IGF1R: variants seen among roughly 807,000 people sequenced by gnomAD.
IGF1R encodes the protein insulin-like growth factor 1 receptor.
Under a neutral mutation model 144.6 loss-of-function variants are expected in IGF1R, and 44 were observed. The ratio of observed to expected loss-of-function variants is 0.30; its 90% CI spans 0.24 to 0.39. The LOEUF (loss-of-function observed/expected upper bound fraction) is 0.39. IGF1R is among the 10% of genes least tolerant of loss of function. The pLI, the probability that IGF1R is intolerant of heterozygous loss-of-function variation, is 1.00. For missense variants in IGF1R, 1,355 were observed against 1,833.7 expected (o/e 0.74, Z 4.77); for synonymous variants, 795 against 722.8 (o/e 1.10, Z -1.60).
At chr15:98,956,002 T>G (rs1050372928) in intron 20 of IGF1R, among the ~76,000 whole-genome samples, 25 of 152,230 alleles carry the variant, frequency 1.6e-4, no homozygotes, top group African/African-American at 4.8e-4. Context: ...TGGCGGTCAC[T>G]CCTCAGAACT....
intron 2 of IGF1R, among the ~76,000 whole-genome samples, chr15:98,826,798 G>T (rs2141490684): frequency 6.6e-6 from 1 of 152,358 alleles, no homozygotes; most frequent in East Asian, 1.9e-4. Context: ...GATAAAGACA[G>T]AGGGAAGTGC....
Position 98,810,951 on chromosome 15 carries a change from TCA to T in IGF1R, c.641-80371_641-80370del, listed in dbSNP as rs531346906. Among the ~76,000 whole-genome samples, 491 of 152,282 alleles carry T rather than the reference TCA, an allele frequency of 3.2e-3. 3 individuals are homozygous for T. The highest frequency in any genetic ancestry group is 0.011 in the African/African-American group (468 of 41,566). Reference sequence around the variant, plus strand: ...TTGTTGCACATAAAGTTTCATTGAGTCACAGTCATACTCATTTGCTTTCATAT... The same window carrying T: ...TTGTTGCACATAAAGTTTCATTGAGTCAGTCATACTCATTTGCTTTCATAT... On this transcript the variant is annotated intron_variant, in intron 2 of 20. Transcript: ENST00000650285.
At chr15:98,918,005 ATTTTG>A (rs573522482) in intron 10 of IGF1R, among the ~76,000 whole-genome samples, 8 of 152,134 alleles carry the variant, frequency 5.3e-5, no homozygotes, top group Non-Finnish European at 8.8e-5. Context: ...TCTTACATAT[ATTTTG>A]TTTTGTTTTA....
At chr15:98,677,557 T>C (rs1302305050) in intron 1 of IGF1R, among the ~76,000 whole-genome samples, 2 of 152,172 alleles carry the variant, frequency 1.3e-5, no homozygotes, top group Non-Finnish European at 2.9e-5. Flanking sequence ...GTTCAGGCAG[T>C]CTGGAGGGAA....
intron 2 of IGF1R, among the ~76,000 whole-genome samples, chr15:98,780,195 T>C (rs944864447): frequency 6.6e-6 from 1 of 151,918 alleles, no homozygotes; most frequent in African/African-American, 2.4e-5. Context: ...GAAAACTTAT[T>C]CCTGTGTCAG....
chr15:98,805,300 C>A (rs137905166), intron 2 of IGF1R, among the ~76,000 whole-genome samples: 101 of 152,230 alleles, frequency 6.6e-4, no homozygotes, highest in Non-Finnish European at 1.2e-3. Context: ...CCATCCCACA[C>A]GCTGATTTTT....
chr15:98,926,255 G>C (rs1461221843), intron 13 of IGF1R, among the ~76,000 whole-genome samples: 3 of 152,140 alleles, frequency 2.0e-5, no homozygotes, highest in Admixed American at 6.6e-5. Context: ...CTGATAATGC[G>C]GAATCTAAGA....
chr15:98,781,096 T>A (rs1034044126), intron 2 of IGF1R, among the ~76,000 whole-genome samples: 11 of 152,200 alleles, frequency 7.2e-5, no homozygotes, highest in African/African-American at 2.4e-4. Context: ...TACTCCAGCC[T>A]GGATGACAGA....
chr15:98,789,474 T>A (rs1319941139), intron 2 of IGF1R, among the ~76,000 whole-genome samples: 1 of 152,230 alleles, frequency 6.6e-6, no homozygotes, highest in East Asian at 1.9e-4. Context: ...TTTTGCCCTT[T>A]CTTTGCTCAC....
intron 1 of IGF1R, among the ~76,000 whole-genome samples, chr15:98,659,646 C>T (rs8028620): frequency 0.58 from 88,738 of 151,960 alleles, 27,209 homozygotes; most frequent in African/African-American, 0.78. Flanking sequence ...CAGACAGGCG[C>T]ACTGCAACTC....
At chr15:98,952,763 T>C (rs182968145) in intron 20 of IGF1R, 1 of 152,344 alleles carries the variant, frequency 6.6e-6, no homozygotes, top group East Asian at 1.9e-4. Flanking sequence ...GTTCTCAGCA[T>C]AGAGTGACAA....
chr15:98,742,461 G>C (rs568005701), intron 2 of IGF1R, among the ~76,000 whole-genome samples: 2 of 152,246 alleles, frequency 1.3e-5, no homozygotes, highest in East Asian at 3.9e-4. Flanking sequence ...GCTGCTCCTG[G>C]AGCATCTTTA....
chr15:98,685,558 G>A (rs1319284814), intron 1 of IGF1R, among the ~76,000 whole-genome samples: 9 of 152,128 alleles, frequency 5.9e-5, no homozygotes, highest in Non-Finnish European at 1.3e-4. Context: ...GTGTCCCTTC[G>A]GTATCTTCCC....
chr15:98,765,463 C>T (rs966679148), intron 2 of IGF1R, among the ~76,000 whole-genome samples: 1 of 151,794 alleles, frequency 6.6e-6, no homozygotes, highest in Admixed American at 6.6e-5. Context: ...TGTGAGCCAC[C>T]ACACCTGGCT....
chr15:98,806,409 C>A (rs542120125), intron 2 of IGF1R, among the ~76,000 whole-genome samples: 13 of 152,240 alleles, frequency 8.5e-5, no homozygotes, highest in Non-Finnish European at 1.5e-4. Context: ...CCCCCAGCCT[C>A]CCTTGTCATG....
At chr15:98,926,103 C>G (rs996681165) in intron 13 of IGF1R, among the ~76,000 whole-genome samples, 3 of 152,120 alleles carry the variant, frequency 2.0e-5, no homozygotes, top group Non-Finnish European at 4.4e-5. Context: ...TAAAGAAAAC[C>G]TGGTACATAT....
Position 98,957,491 on chromosome 15 carries a change from C to CGGGGT in IGF1R, c.*54_*58dup, listed in dbSNP as rs753277045. 1.2e-6 allele frequency: 2 copies of CGGGGT among 1,607,656 alleles called. No homozygotes were observed. Among genetic ancestry groups the CGGGGT allele is most frequent in the Non-Finnish European group, 1.7e-6 (2 of 1,177,128 alleles). On this transcript the variant is annotated 3_prime_UTR_variant, in exon 21 of 21. Transcript: ENST00000650285. Reference sequence around the variant, plus strand: ...AACAGTAACGTGTGCGCACGCGCAGCGGGGTGGGGGGGGAGAGAGAGTTTT... The same window carrying CGGGGT: ...AACAGTAACGTGTGCGCACGCGCAGCGGGGTGGGGTGGGGGGGGAGAGAGAGTTTT...
intron 3 of IGF1R, among the ~76,000 whole-genome samples, chr15:98,896,255 G>A (rs1308258908): frequency 1.3e-5 from 2 of 152,174 alleles, no homozygotes; most frequent in African/African-American, 4.8e-5. Flanking sequence ...CCCTCACTGG[G>A]CTTTGCCAAA....
intron 1 of IGF1R, among the ~76,000 whole-genome samples, chr15:98,687,987 G>C (rs1021146240): frequency 6.6e-6 from 1 of 152,118 alleles, no homozygotes; most frequent in African/African-American, 2.4e-5. Flanking sequence ...ACTTACCTTG[G>C]GGCTTTGCTC....
Sources: allele counts gnomAD v4.1 joint callset (sites outside exome capture counted in the v4.1 genomes callset), GRCh38; gene constraint gnomAD v4.1.1; transcripts MANE v1.5; gene names NCBI Gene and HGNC (gene_info 2026-07-23, HGNC 2026-07-21).